The following ADAMTS9 variants were observed in gnomAD, a reference collection of about 807,000 sequenced individuals.
The protein encoded by ADAMTS9 is A disintegrin and metalloproteinase with thrombospondin motifs 9.
A neutral mutation model predicts 257.1 loss-of-function variants in ADAMTS9; 107 were observed. The observed-to-expected ratio is 0.42, with a 90% CI of 0.36 to 0.49. The LOEUF is 0.49. Ranked by LOEUF, ADAMTS9 falls within the 20% of genes least tolerant of loss-of-function variation. The pLI is 0.03. For missense variants in ADAMTS9, 2,353 were observed against 2,469.1 expected (o/e 0.95, Z 1.00); for synonymous variants, 982 against 880.9 (o/e 1.11, Z -2.03).
Position 64,599,515 on chromosome 3 carries a change from C to T in ADAMTS9, c.4017+2429G>A, listed in dbSNP as rs183535146. On this transcript the variant is annotated intron_variant, in intron 26 of 39. Coordinates refer to ENST00000498707, the MANE Select transcript of ADAMTS9 (RefSeq NM_182920.2). ...ACATCCTTTTCCTTACATCTGGCAGCCCAATTTCCTTTAAGAAAACATTCC... is the reference window on the plus strand; with the variant it reads ...ACATCCTTTTCCTTACATCTGGCAGTCCAATTTCCTTTAAGAAAACATTCC... 2.0e-5 allele frequency among the ~76,000 whole-genome samples: 3 copies of T among 152,264 alleles called. No homozygotes were observed. The East Asian group carries it at 5.8e-4, about 29-fold the overall frequency.
chr3:64,642,567 C>A (rs957978832), intron 11 of ADAMTS9, among the ~76,000 whole-genome samples: 2 of 152,242 alleles, frequency 1.3e-5, no homozygotes, highest in East Asian at 1.9e-4. Context: ...TTGTTACTAG[C>A]GGTTTCAGAT....
chr3:64,588,189 G>C (rs575701753), intron 28 of ADAMTS9: 2 of 152,280 alleles, frequency 1.3e-5, no homozygotes, highest in South Asian at 2.1e-4. Context: ...TATCCATGAA[G>C]GTACCTACCC....
intron 28 of ADAMTS9, among the ~76,000 whole-genome samples, chr3:64,575,420 C>T (rs901519155): frequency 6.6e-6 from 1 of 152,162 alleles, no homozygotes; most frequent in Non-Finnish European, 1.5e-5. Context: ...GGGCCTGGGG[C>T]TAGGTTATGG....
intron 37 of ADAMTS9, among the ~76,000 whole-genome samples, chr3:64,533,692 G>A (rs1202692064): frequency 1.3e-5 from 2 of 152,258 alleles, no homozygotes; most frequent in East Asian, 3.9e-4. Flanking sequence ...CAAGATCTTG[G>A]TGCCAAGCTT....
At position 64,541,404 on chromosome 3, in the gene ADAMTS9, G is replaced by A. The variant is rs200398762; in HGVS notation, c.5303C>T (p.Ala1768Val). Residue 1768 changes from alanine to valine, a missense_variant, in exon 35 of 40, where the codon GCG (alanine) becomes GTG (valine). Physicochemically the swap from Ala to Val is moderately conservative, Grantham distance 64. Transcript: ENST00000498707. ...IRGKLLKIFC[A>V]GMHSDHPKEY... ...TTTGGGGTGGTCAGAGTGCATCCCC[G>A]CACAGAATATCTGAAAGACCATAAA... The A allele has an allele frequency of 1.3e-4, 206 of 1,613,812 alleles. No individual in the cohort carries two copies. The highest frequency in any genetic ancestry group is 1.6e-4 in the Non-Finnish European group (189 of 1,179,898).
At chr3:64,605,461 T>A (rs904475983) in intron 23 of ADAMTS9, among the ~76,000 whole-genome samples, 2 of 152,340 alleles carry the variant, frequency 1.3e-5, no homozygotes, top group African/African-American at 4.8e-5. Context: ...CATATTAATT[T>A]ATTTTTTTAA....
At chr3:64,604,200 C>T (rs779940023) in intron 24 of ADAMTS9, 27 bp downstream of exon 24, 109 of 1,604,940 alleles carry the variant, frequency 6.8e-5, no homozygotes, top group Non-Finnish European at 9.0e-5. Context: ...ATCCTGCCCT[C>T]CCCATTTCTC....
At chr3:64,540,881 T>C (rs1191039427) in intron 36 of ADAMTS9, among the ~76,000 whole-genome samples, 1 of 152,228 alleles carries the variant, frequency 6.6e-6, no homozygotes, top group Admixed American at 6.5e-5. Context: ...TTCCAGGCAC[T>C]GGGGAATACA....
chr3:64,546,717 T>G, intron 32 of ADAMTS9, 41 bp downstream of exon 32: 2 of 1,544,286 alleles, frequency 1.3e-6, no homozygotes, highest in Non-Finnish European at 1.7e-6. Context: ...GGGGTTGAGA[T>G]CCAAGGGCTT....
At chr3:64,594,230 T>A (rs2084317523) in intron 28 of ADAMTS9, 28 bp downstream of exon 28, 2 of 1,592,954 alleles carry the variant, frequency 1.3e-6, no homozygotes, top group Non-Finnish European at 1.7e-6. Context: ...ATAGTTTGGT[T>A]AACAAACATG....
intron 22 of ADAMTS9, among the ~76,000 whole-genome samples, chr3:64,611,379 C>T (rs570200275): frequency 1.3e-5 from 2 of 152,206 alleles, no homozygotes; most frequent in African/African-American, 4.8e-5. Context: ...AGAAGTTAGG[C>T]ACAAAAGGCC....
chr3:64,633,348 C>G, intron 14 of ADAMTS9, 124 bp downstream of exon 14: 2 of 1,431,900 alleles, frequency 1.4e-6, no homozygotes, highest in Admixed American at 4.1e-5. Context: ...CGGGGCCACA[C>G]TTTGAGAACC....
At chr3:64,580,525 A>G (rs148305929) in intron 28 of ADAMTS9, among the ~76,000 whole-genome samples, 2 of 152,310 alleles carry the variant, frequency 1.3e-5, no homozygotes, top group African/African-American at 4.8e-5. Context: ...TTCTTAGCTC[A>G]GTAGGACCTT....
At chr3:64,587,008 A>C (rs2084170140) in intron 28 of ADAMTS9, 1 of 152,160 alleles carries the variant, frequency 6.6e-6, no homozygotes, top group African/African-American at 2.4e-5. Context: ...CTTTCAACCC[A>C]CTGAACACAT....
chr3:64,553,835 C>A (rs562031507), intron 30 of ADAMTS9, among the ~76,000 whole-genome samples: 5 of 152,034 alleles, frequency 3.3e-5, no homozygotes, highest in Non-Finnish European at 7.4e-5. Flanking sequence ...GCCGGCTGAG[C>A]CCAGTTCCCT....
At chr3:64,547,369 C>T (rs1434012099) in intron 31 of ADAMTS9, among the ~76,000 whole-genome samples, 2 of 152,032 alleles carry the variant, frequency 1.3e-5, no homozygotes, top group African/African-American at 4.8e-5. Flanking sequence ...GCAGCTGACC[C>T]GTGAGTCGGC....
chr3:64,652,449 A>G (rs543598951), intron 8 of ADAMTS9, among the ~76,000 whole-genome samples: 50 of 152,336 alleles, frequency 3.3e-4, no homozygotes, highest in African/African-American at 1.2e-3. Flanking sequence ...ATGCATAATC[A>G]ATGCAATACC....
chr3:64,655,930 G>T, intron 4 of ADAMTS9, 55 bp from the exon 5 acceptor site: 1 of 1,154,078 alleles, frequency 8.7e-7, no homozygotes, highest in South Asian at 1.6e-5. Context: ...TAAGCAATAA[G>T]CAAGTCACGT....
In ADAMTS9 at chr3:64,686,804, T is replaced by C; in HGVS notation, c.280A>G (p.Thr94Ala). 6.2e-7 allele frequency: 1 copy of C among 1,612,682 alleles called. No individual in the cohort carries two copies. Among genetic ancestry groups the C allele is most frequent in the African/African-American group, 1.3e-5 (1 of 74,616 alleles). Residue 94 changes from threonine (T) to alanine (A), a missense_variant, in exon 2 of 40, where the codon ACC (threonine) becomes GCC (alanine). Physicochemically the swap from Thr to Ala is moderately conservative, Grantham distance 58. This residue lies in a region of ADAMTS9 where 591 missense variants were observed against 569.6 expected (regional missense o/e 1.04). Coordinates refer to ENST00000498707, the MANE Select transcript of ADAMTS9 (RefSeq NM_182920.2). The surrounding 1 kb of genome is among the most constrained non-coding windows in gnomAD (Gnocchi z 4.6). The part of the protein sequence containing the change: ...PAFASSSSSS[T>A]SSQAHYRLSA... ...AGGCGGTAATGCGCCTGGGAGGAGG[T>C]AGAGGAGGAAGAGGAGGAGGCGAAG...
Sources: allele counts gnomAD v4.1 joint callset (sites outside exome capture counted in the v4.1 genomes callset), GRCh38; gene constraint gnomAD v4.1.1; regional missense constraint gnomAD v4.1.1; non-coding constraint Gnocchi (gnomAD v3.1); transcripts MANE v1.5; gene names NCBI Gene and HGNC (gene_info 2026-07-23, HGNC 2026-07-21).